Variants in CHCHD6 observed in about 807,000 individuals in gnomAD.
CHCHD6 encodes coiled-coil-helix-coiled-coil-helix domain containing 6.
In CHCHD6, 28 loss-of-function variants were observed where a neutral mutation model predicts 32.3. The ratio of observed to expected loss-of-function variants is 0.87; its 90% CI spans 0.64 to 1.19. The LOEUF (loss-of-function observed/expected upper bound fraction) is 1.19, where lower values mean the gene tolerates loss of function less well. Ranked by LOEUF, CHCHD6 falls within the 50% of genes most tolerant of loss-of-function variation. The probability of loss-of-function intolerance (pLI) is 0.00; values close to 1 mark genes in which losing one functional copy is unlikely to be tolerated. For missense variants in CHCHD6, 333 were observed against 307.0 expected (o/e 1.08, Z -0.63); for synonymous variants, 122 against 117.5 (o/e 1.04, Z -0.25).
At chr3:126,777,333 G>T (rs1270013681) in intron 4 of CHCHD6, among the ~76,000 whole-genome samples, 2 of 152,104 alleles carry the variant, frequency 1.3e-5, no homozygotes, top group Admixed American at 6.5e-5. Flanking sequence ...AGTACACTCA[G>T]TTTTTTTCTT....
At chr3:126,874,614 T>C (rs1288513199) in intron 5 of CHCHD6, among the ~76,000 whole-genome samples, 2 of 152,152 alleles carry the variant, frequency 1.3e-5, no homozygotes, top group Admixed American at 1.3e-4. Context: ...TCTGCTGGGC[T>C]CCTTCCTCTC....
intron 5 of CHCHD6, among the ~76,000 whole-genome samples, chr3:126,897,212 C>A (rs1272414984): frequency 6.6e-6 from 1 of 152,188 alleles, no homozygotes; most frequent in Non-Finnish European, 1.5e-5. Context: ...GCAGGGCTAG[C>A]GTCTCTATTC....
At chr3:126,726,447 A>G (rs986727465) in intron 1 of CHCHD6, among the ~76,000 whole-genome samples, 10 of 152,240 alleles carry the variant, frequency 6.6e-5, no homozygotes, top group Admixed American at 2.6e-4. Flanking sequence ...TTCAAGTATC[A>G]TGAGAATTAT....
intron 6 of CHCHD6, chr3:126,935,204 G>A (rs1399889823): frequency 4.1e-6 from 4 of 965,444 alleles, no homozygotes; most frequent in Admixed American, 6.2e-5. Context: ...TGAGCGGGAT[G>A]GCAGGGCTGG....
At chr3:126,810,967 A>T (rs992627737) in intron 4 of CHCHD6, among the ~76,000 whole-genome samples, 14 of 152,198 alleles carry the variant, frequency 9.2e-5, no homozygotes, top group African/African-American at 3.4e-4. Flanking sequence ...ACCAGGTTAG[A>T]GACAGAATAA....
At chr3:126,920,408 A>G (rs895371940) in intron 6 of CHCHD6, among the ~76,000 whole-genome samples, 9 of 152,028 alleles carry the variant, frequency 5.9e-5, no homozygotes, top group Admixed American at 5.9e-4. Context: ...GAAAGATGAC[A>G]GAGGTCCTCT....
At chr3:126,882,280 A>G (rs1044507861) in intron 5 of CHCHD6, among the ~76,000 whole-genome samples, 25 of 152,162 alleles carry the variant, frequency 1.6e-4, no homozygotes, top group Non-Finnish European at 2.5e-4. Context: ...GCCTTGCCTC[A>G]TCGTCTCTAA....
chr3:126,903,255 C>T (rs1401046373), intron 5 of CHCHD6, among the ~76,000 whole-genome samples: 1 of 152,190 alleles, frequency 6.6e-6, no homozygotes, highest in Non-Finnish European at 1.5e-5. Context: ...CTCCTTGGCC[C>T]AAATGCACAA....
At chr3:126,796,686 A>T (rs908969812) in intron 4 of CHCHD6, among the ~76,000 whole-genome samples, 4 of 152,118 alleles carry the variant, frequency 2.6e-5, no homozygotes, top group Non-Finnish European at 4.4e-5. Flanking sequence ...TGTGATTTGA[A>T]CAATGGAAAT....
intron 4 of CHCHD6, among the ~76,000 whole-genome samples, chr3:126,765,252 G>A (rs543591386): frequency 1.3e-5 from 2 of 152,176 alleles, no homozygotes; most frequent in East Asian, 3.9e-4. Context: ...CTATTTTAAA[G>A]CACCCAAACC....
At chr3:126,930,688 G>C (rs552390154) in intron 6 of CHCHD6, among the ~76,000 whole-genome samples, 18 of 152,202 alleles carry the variant, frequency 1.2e-4, no homozygotes, top group Non-Finnish European at 2.2e-4. Flanking sequence ...TTCTGTAAAA[G>C]GGGTGAGCCA....
chr3:126,865,020 CACTACCTCT>C (rs1288671806), intron 5 of CHCHD6, among the ~76,000 whole-genome samples: 5 of 146,022 alleles, frequency 3.4e-5, no homozygotes, highest in African/African-American at 5.0e-5. Context: ...CCACCACCAC[CACTACCTCT>C]ACTACCTCTA....
At chr3:126,780,320 G>A (rs916925297) in intron 4 of CHCHD6, 6 of 425,960 alleles carry the variant, frequency 1.4e-5, no homozygotes, top group Non-Finnish European at 2.3e-5. Context: ...TCCTTCATTT[G>A]TGGTTTTATT....
At chr3:126,874,503 C>A (rs2077515938) in intron 5 of CHCHD6, among the ~76,000 whole-genome samples, 1 of 152,150 alleles carries the variant, frequency 6.6e-6, no homozygotes, top group Non-Finnish European at 1.5e-5. Context: ...TGGAGGGCTC[C>A]TCATCACCTG....
chr3:126,730,703 C>T (rs1181875470), intron 3 of CHCHD6, 73 bp downstream of exon 3: 20 of 1,288,652 alleles, frequency 1.6e-5, no homozygotes, highest in African/African-American at 2.9e-5. Context: ...GGGTACCCCT[C>T]TCCTTGCCTG....
At chr3:126,946,881 A>G (rs2078647079) in intron 6 of CHCHD6, among the ~76,000 whole-genome samples, 1 of 152,236 alleles carries the variant, frequency 6.6e-6, no homozygotes. Context: ...ATTAAGTATC[A>G]GGAGGACATA....
intron 4 of CHCHD6, among the ~76,000 whole-genome samples, chr3:126,764,277 T>A (rs1937276530): frequency 6.7e-6 from 1 of 149,342 alleles, no homozygotes; most frequent in Admixed American, 6.7e-5. Context: ...TTCAACCAAA[T>A]CACAACCTTC....
chr3:126,725,738 T>G, intron 1 of CHCHD6, among the ~76,000 whole-genome samples: 1 of 152,250 alleles, frequency 6.6e-6, no homozygotes, highest in Non-Finnish European at 1.5e-5. Context: ...AGCCTCTCCA[T>G]CAGCACTTGC....
At chr3:126,924,756 C>T (rs1339994469) in intron 6 of CHCHD6, among the ~76,000 whole-genome samples, 1 of 152,204 alleles carries the variant, frequency 6.6e-6, no homozygotes, top group African/African-American at 2.4e-5. Context: ...GACATGTGAA[C>T]ACCTGAGGCA....
Sources: gnomAD v4.1 joint callset for allele counts (sites outside exome capture counted in the v4.1 genomes callset) on GRCh38, gnomAD v4.1.1 for gene constraint, MANE v1.5 for transcripts, NCBI Gene and HGNC (gene_info 2026-07-23, HGNC 2026-07-21) for gene names.